Variants in APBA1 observed in about 807,000 individuals in gnomAD.
The protein encoded by APBA1 is amyloid-beta A4 precursor protein-binding family A member 1.
A neutral mutation model predicts 86.6 loss-of-function variants in APBA1; 55 were observed. That is an observed-to-expected ratio of 0.64 (90% CI 0.51 to 0.80). The LOEUF is 0.80. APBA1 is among the 30% of genes least tolerant of loss of function. The pLI, the probability that APBA1 is intolerant of heterozygous loss-of-function variation, is 0.00. For missense variants in APBA1, 1,090 were observed against 1,183.0 expected, an observed-to-expected ratio of 0.92 and a Z score of 1.15; for synonymous variants, 511 against 493.9, an observed-to-expected ratio of 1.03 and a Z score of -0.46.
chr9:69,440,556 C>A (rs1232419501), intron 11 of APBA1, among the ~76,000 whole-genome samples: 3 of 152,168 alleles, frequency 2.0e-5, no homozygotes, highest in Non-Finnish European at 4.4e-5. Flanking sequence ...ATGAGTGAGG[C>A]TCCATGGGCG....
At chr9:69,452,080 C>G (rs776158616) in intron 9 of APBA1, 42 bp downstream of exon 9, 2 of 1,594,804 alleles carry the variant, frequency 1.3e-6, no homozygotes, top group Non-Finnish European at 1.7e-6. Flanking sequence ...AGCCCCTGCC[C>G]AGCTGACCCA....
At chr9:69,483,157 CA>C (rs1192992471) in intron 2 of APBA1, among the ~76,000 whole-genome samples, 6,290 of 73,246 alleles carry the variant, frequency 0.086, 404 homozygotes, top group African/African-American at 0.23. Context: ...AAAAACGAAA[CA>C]AAAAAAAAAA....
chr9:69,474,172 G>C (rs2133836492), intron 3 of APBA1: 1 of 152,308 alleles, frequency 6.6e-6, no homozygotes, highest in East Asian at 1.9e-4. Flanking sequence ...GACTCGTGCA[G>C]AACTTGGAGG....
chr9:69,574,626 T>C (rs1432982214), intron 1 of APBA1, among the ~76,000 whole-genome samples: 2 of 152,220 alleles, frequency 1.3e-5, no homozygotes, highest in African/African-American at 4.8e-5. Flanking sequence ...GTTGGTGTGC[T>C]GGTTTTGCTC....
At chr9:69,435,960 G>A (rs958049300) in intron 11 of APBA1, among the ~76,000 whole-genome samples, 3 of 152,100 alleles carry the variant, frequency 2.0e-5, no homozygotes, top group African/African-American at 7.2e-5. Context: ...TTTTTATAAG[G>A]TGTAAGGAAG....
Position 69,431,101 on chromosome 9 carries a change from T to C in APBA1, c.*226A>G, listed in dbSNP as rs1419956868. On this transcript the variant is annotated 3_prime_UTR_variant, in exon 13 of 13. Coordinates refer to ENST00000265381, the MANE Select transcript of APBA1 (RefSeq NM_001163.4). ...AGTACCAGGTGGGTGCTGGCTGCTC[T>C]CCATCCTCAAGGGAGTGCATACGAA... The C allele has an allele frequency of 1.5e-5, 7 of 452,736 alleles. No homozygotes were observed. Among genetic ancestry groups the C allele is most frequent in the South Asian group, 3.7e-5 (1 of 27,216 alleles). 28.0% of individuals were successfully genotyped at this position (452,736 alleles called of 1,614,324 possible).
At chr9:69,618,453 G>A (rs899667919) in intron 1 of APBA1, among the ~76,000 whole-genome samples, 5 of 152,204 alleles carry the variant, frequency 3.3e-5, no homozygotes, top group Non-Finnish European at 5.9e-5. Context: ...CTCACAATAT[G>A]GAAGGATGCT....
chr9:69,534,545 A>T (rs1227345283), intron 1 of APBA1, among the ~76,000 whole-genome samples: 1 of 152,190 alleles, frequency 6.6e-6, no homozygotes. Context: ...CCAACCAGAA[A>T]TGACCTGCAT....
chr9:69,462,682 G>A (rs1835209906), intron 5 of APBA1: 1 of 152,218 alleles, frequency 6.6e-6, no homozygotes, highest in Non-Finnish European at 1.5e-5. Context: ...TTATTTGCCA[G>A]TGGAACTCTA....
At chr9:69,563,125 C>T (rs1281356133) in intron 1 of APBA1, among the ~76,000 whole-genome samples, 1 of 152,212 alleles carries the variant, frequency 6.6e-6, no homozygotes, top group Non-Finnish European at 1.5e-5. Flanking sequence ...ACACGAGTCT[C>T]AAGTCTGTCT....
chr9:69,483,039 C>T (rs1835544281), intron 2 of APBA1, among the ~76,000 whole-genome samples: 1 of 148,914 alleles, frequency 6.7e-6, no homozygotes, highest in Non-Finnish European at 1.5e-5. Context: ...TTAGTGGGTG[C>T]AGCGCACCAG....
rs376971802 is a variant in APBA1, at chr9:69,444,202, C to A, written c.2182-3087G>T. Among the ~76,000 whole-genome samples, 4 of 152,334 alleles carry A rather than the reference C, an allele frequency of 2.6e-5. No individual in the cohort carries two copies. The East Asian group carries it at 7.7e-4, about 29-fold the overall frequency. Reference sequence around the variant, plus strand: ...CTTAGCATTCACATTCATGTGGCATCTCCTGGTGGTTTTGGAACATCTCCA... The same window carrying A: ...CTTAGCATTCACATTCATGTGGCATATCCTGGTGGTTTTGGAACATCTCCA... On this transcript the variant is annotated intron_variant, in intron 10 of 12. Coordinates refer to ENST00000265381, the MANE Select transcript of APBA1 (RefSeq NM_001163.4).
chr9:69,651,170 T>A (rs780057753), intron 1 of APBA1, among the ~76,000 whole-genome samples: 1 of 152,116 alleles, frequency 6.6e-6, no homozygotes, highest in Admixed American at 6.5e-5. Context: ...CCAAAAAAAA[T>A]GTATATATGG....
In APBA1 at chr9:69,602,580, A is replaced by G. The variant is rs191893716; in HGVS notation, c.-70+69573T>C. Among the ~76,000 whole-genome samples, 1,210 of 152,096 alleles carry G rather than the reference A, an allele frequency of 8.0e-3. 14 individuals are homozygous for G. Among genetic ancestry groups the G allele is most frequent in the African/African-American group, 0.028 (1,143 of 41,486 alleles). On this transcript the variant is annotated intron_variant, in intron 1 of 12. Coordinates refer to ENST00000265381, the MANE Select transcript of APBA1 (RefSeq NM_001163.4). ...AGAGAGACTCTGTCTCATTAAAAAA[A>G]AAGAAGAAGAAGAAGAAAAAAGAAA...
At position 69,656,538 on chromosome 9, in the gene APBA1, A is replaced by G. The variant is rs553012907; in HGVS notation, c.-70+15615T>C. 2.6e-3 allele frequency among the ~76,000 whole-genome samples: 391 copies of G among 152,362 alleles called. 2 individuals carry two copies. The highest frequency in any genetic ancestry group is 4.4e-3 in the Non-Finnish European group (297 of 68,030). On this transcript the variant is annotated intron_variant, in intron 1 of 12. Transcript: ENST00000265381. ...AAACTGCTCTATGGTGACAGAGGTCAGAGTAGTGGTTACCTTTCTGAAAGT... is the reference window on the plus strand; with the variant it reads ...AAACTGCTCTATGGTGACAGAGGTCGGAGTAGTGGTTACCTTTCTGAAAGT...
intron 1 of APBA1, among the ~76,000 whole-genome samples, chr9:69,576,659 G>A (rs1322347308): frequency 6.6e-6 from 1 of 152,048 alleles, no homozygotes; most frequent in African/African-American, 2.4e-5. Context: ...TGAACAATGA[G>A]AACACATGGA....
chr9:69,633,661 C>T (rs975264261), intron 1 of APBA1, among the ~76,000 whole-genome samples: 1 of 152,170 alleles, frequency 6.6e-6, no homozygotes, highest in African/African-American at 2.4e-5. Flanking sequence ...GCATTCAATC[C>T]ACTGAGATAT....
At chr9:69,436,271 T>C (rs553812727) in intron 11 of APBA1, among the ~76,000 whole-genome samples, 2 of 150,254 alleles carry the variant, frequency 1.3e-5, no homozygotes, top group East Asian at 3.9e-4. Flanking sequence ...GGCTCTTTTT[T>C]GGTTCCATAT....
intron 1 of APBA1, among the ~76,000 whole-genome samples, chr9:69,518,789 C>T (rs905065073): frequency 6.6e-6 from 1 of 152,028 alleles, no homozygotes; most frequent in African/African-American, 2.4e-5. Flanking sequence ...CTGATGGACT[C>T]TCTAGTAGTG....
Sources: gnomAD v4.1 joint callset for allele counts (sites outside exome capture counted in the v4.1 genomes callset) on GRCh38, gnomAD v4.1.1 for gene constraint, MANE v1.5 for transcripts, NCBI Gene and HGNC (gene_info 2026-07-23, HGNC 2026-07-21) for gene names.